The following SNX29 variants were observed in gnomAD, a reference collection of about 807,000 sequenced individuals.
The protein encoded by SNX29 is sorting nexin 29.
In SNX29, 78 loss-of-function variants were observed where a neutral mutation model predicts 102.1. That is an observed-to-expected ratio of 0.76 (90% CI 0.64 to 0.92). The LOEUF is 0.92. SNX29 is among the 40% of genes least tolerant of loss of function. The pLI is 0.00. For missense variants in SNX29, 1,280 were observed against 1,061.7 expected, an observed-to-expected ratio of 1.21 and a Z score of -2.86; for synonymous variants, 580 against 414.5, an observed-to-expected ratio of 1.40 and a Z score of -4.85.
chr16:12,517,692 A>G (rs2089925861), intron 19 of SNX29, among the ~76,000 whole-genome samples: 1 of 152,196 alleles, frequency 6.6e-6, no homozygotes, highest in African/African-American at 2.4e-5. Flanking sequence ...CCTTGGTGGA[A>G]TTACCATCTA....
Position 12,498,383 on chromosome 16 carries a change from T to G in SNX29, c.2178+20524T>G, listed in dbSNP as rs77399028. 6.7e-3 allele frequency among the ~76,000 whole-genome samples: 1,016 copies of G among 151,958 alleles called. 19 individuals carry two copies. Among genetic ancestry groups the G allele is most frequent in the African/African-American group, 0.023 (968 of 41,452 alleles). On this transcript the variant is annotated intron_variant, in intron 19 of 20. Transcript: ENST00000566228. ...AAAGCAAAAAAAGTGGCATGGTTTT[T>G]AAAACTGGTTTGGCATTTAAAAAAA...
intron 18 of SNX29, among the ~76,000 whole-genome samples, chr16:12,477,128 C>T (rs2087691311): frequency 6.6e-6 from 1 of 152,218 alleles, no homozygotes; most frequent in African/African-American, 2.4e-5. Flanking sequence ...GGAGTCATAA[C>T]TTGATTAAAA....
intron 14 of SNX29, among the ~76,000 whole-genome samples, chr16:12,209,140 G>C (rs957117362): frequency 3.9e-5 from 6 of 152,140 alleles, no homozygotes; most frequent in African/African-American, 1.2e-4. Flanking sequence ...CTGACAAATG[G>C]GGCAAGCAGG....
chr16:12,564,196 T>G (rs1480907642), intron 20 of SNX29, among the ~76,000 whole-genome samples: 1 of 149,434 alleles, frequency 6.7e-6, no homozygotes, highest in Non-Finnish European at 1.5e-5. Flanking sequence ...GAGACCGTCC[T>G]GGGCACCATA....
chr16:12,548,269 G>A (rs1039992617), intron 20 of SNX29, among the ~76,000 whole-genome samples: 1 of 152,182 alleles, frequency 6.6e-6, no homozygotes, highest in East Asian at 1.9e-4. Flanking sequence ...ACCAGATGTG[G>A]ACCTGACTGG....
intron 19 of SNX29, among the ~76,000 whole-genome samples, chr16:12,492,374 GTTGT>G (rs1304961739): frequency 5.9e-5 from 9 of 152,240 alleles, no homozygotes; most frequent in South Asian, 2.1e-4. Context: ...TTTTGATGGG[GTTGT>G]TTGTTTTTTT....
rs544691540 is a variant in SNX29 at position 12,345,108 on chromosome 16, C to T, written c.1783-11055C>T. ...AAGCCCTACAAGTGTCTGGTGTTGT[C>T]AGTGGCTTTGGCAGTGATCTCCAGT... On this transcript the variant is annotated intron_variant, in intron 15 of 20. Coordinates refer to ENST00000566228, the MANE Select transcript of SNX29 (RefSeq NM_032167.5). Among the ~76,000 whole-genome samples, 250 of 152,314 alleles carry T rather than the reference C, an allele frequency of 1.6e-3. 1 individual carries two copies. The highest frequency in any genetic ancestry group is 3.0e-3 in the Non-Finnish European group (205 of 68,032).
intron 3 of SNX29, among the ~76,000 whole-genome samples, chr16:12,022,009 T>C (rs2151096957): frequency 6.6e-6 from 1 of 151,770 alleles, no homozygotes; most frequent in East Asian, 1.9e-4. Flanking sequence ...CAGTTTCAAA[T>C]GCAGCAGGAG....
rs866278806 is a variant in SNX29, at chr16:12,568,790, C to T, written c.*161C>T. 126 of 1,155,566 alleles carry T rather than the reference C, an allele frequency of 1.1e-4. No homozygotes were observed. The highest frequency in any genetic ancestry group is 6.7e-4 in the South Asian group (42 of 62,910). The allele number at this position is 1,155,566 out of a possible 1,614,324, so 71.6% of individuals were successfully genotyped here. A position where few individuals can be genotyped will look rare whatever the true frequency, so the allele number is the denominator to read the frequency against. ...TACACAACACCCCGATTAAACTAAT[C>T]AGTCTTCGAGCCGCATGATACCGTG... On this transcript the variant is annotated 3_prime_UTR_variant, in exon 21 of 21. Transcript: ENST00000566228.
In SNX29 at chr16:12,425,559, AGAG is replaced by A. The variant is rs1281377536; in HGVS notation, c.2037+22032_2037+22034del. ...AAAAAAAAAAATAAAAAAAATAAAA[AGAG>A]GGAATAGAAAACAGAGGCAGGGTGG... On this transcript the variant is annotated intron_variant, in intron 18 of 20. Transcript: ENST00000566228. 4.1e-4 allele frequency among the ~76,000 whole-genome samples: 59 copies of A among 143,654 alleles called. 1 individual carries two copies. Among genetic ancestry groups the A allele is most frequent in the African/African-American group, 1.1e-3 (43 of 37,444 alleles). The allele number at this position is 143,654 out of a possible 152,430, so 94.2% of individuals were successfully genotyped here.
Position 12,027,307 on chromosome 16 carries a change from G to A in SNX29, c.123-13G>A. The A allele has an allele frequency of 6.2e-7, 1 of 1,613,310 alleles. No individual in the cohort carries two copies. The highest frequency in any genetic ancestry group is 1.1e-5 in the South Asian group (1 of 91,012). On this transcript the variant is annotated splice_polypyrimidine_tract_variant and intron_variant, in intron 3 of 20. Transcript: ENST00000566228. ...TTTCTGGGGGGACTGATGAGTCATT[G>A]GTTTTCTCACAGGGTCACCTGTCTG...
chr16:12,451,417 C>G (rs376865104), intron 18 of SNX29, among the ~76,000 whole-genome samples: 6 of 152,212 alleles, frequency 3.9e-5, no homozygotes, highest in African/African-American at 1.4e-4. Context: ...GGAGCCTCCT[C>G]TTGTCCCCAA....
intron 18 of SNX29, among the ~76,000 whole-genome samples, chr16:12,429,332 C>G (rs1035546001): frequency 5.9e-5 from 9 of 152,220 alleles, no homozygotes; most frequent in Admixed American, 5.9e-4. Context: ...CACATAGATA[C>G]GATTGCAGTT....
intron 12 of SNX29, among the ~76,000 whole-genome samples, chr16:12,129,080 A>G (rs1157438519): frequency 1.3e-5 from 2 of 152,202 alleles, no homozygotes; most frequent in Non-Finnish European, 2.9e-5. Flanking sequence ...GATATTTTTT[A>G]TATATGCTTG....
intron 10 of SNX29, among the ~76,000 whole-genome samples, chr16:12,073,798 A>T (rs1201694974): frequency 5.3e-5 from 8 of 150,326 alleles, no homozygotes; most frequent in South Asian, 2.1e-4. Flanking sequence ...ATTGTGTGGG[A>T]GTCTAAGTCT....
At chr16:11,976,922 C>A (rs928934481) in intron 1 of SNX29, 109 bp downstream of exon 1, 12 of 1,259,912 alleles carry the variant, frequency 9.5e-6, no homozygotes, top group Non-Finnish European at 1.1e-5. Flanking sequence ...TCGCAGACCC[C>A]CTCCCAGTCG....
chr16:12,543,306 T>C (rs2077428069), intron 20 of SNX29, among the ~76,000 whole-genome samples: 1 of 152,112 alleles, frequency 6.6e-6, no homozygotes, highest in Non-Finnish European at 1.5e-5. Context: ...GCCCGGGGAA[T>C]GGAGCACCTT....
intron 1 of SNX29, among the ~76,000 whole-genome samples, chr16:11,980,854 AT>A (rs1276753755): frequency 6.6e-6 from 1 of 151,800 alleles, no homozygotes; most frequent in African/African-American, 2.4e-5. Flanking sequence ...TGGTCTTTTT[AT>A]TGCTGATCTA....
intron 18 of SNX29, among the ~76,000 whole-genome samples, chr16:12,439,947 C>T (rs747279881): frequency 4.6e-5 from 7 of 152,186 alleles, no homozygotes; most frequent in African/African-American, 7.2e-5. Context: ...CTGGCCAAAC[C>T]GTCCAGCTGG....
Sources: gnomAD v4.1 joint callset for allele counts (sites outside exome capture counted in the v4.1 genomes callset) on GRCh38, gnomAD v4.1.1 for gene constraint, MANE v1.5 for transcripts, NCBI Gene and HGNC (gene_info 2026-07-23, HGNC 2026-07-21) for gene names.